NLGN4Y: variants seen among roughly 807,000 people sequenced by gnomAD.
The protein encoded by NLGN4Y is neuroligin-4, Y-linked.
A neutral mutation model predicts 8.4 loss-of-function variants in NLGN4Y; 4 were observed. The observed-to-expected ratio is 0.48, with a 90% CI of 0.23 to 1.09. NLGN4Y has a LOEUF of 1.09. Among genes scored for constraint, NLGN4Y ranks in the 50% least tolerant of loss-of-function variants. The probability of loss-of-function intolerance (pLI) is 0.19; values close to 1 mark genes in which losing one functional copy is unlikely to be tolerated. For synonymous variants in NLGN4Y, 35 were observed against 75.6 expected (o/e 0.46, Z 2.78); for missense variants, 90 against 192.3 (o/e 0.47, Z 3.15).
chrY:14,769,503 G>A, intron 4 of NLGN4Y, among the ~76,000 whole-genome samples: 1 of 32,281 alleles, frequency 3.1e-5, no homozygotes, highest in Admixed American at 2.8e-4. Flanking sequence ...GTGCTGTGAG[G>A]AACACTGCAC....
chrY:14,821,343 C>T (rs2043121600), intron 4 of NLGN4Y, among the ~76,000 whole-genome samples: 2 of 33,663 alleles, frequency 5.9e-5, no homozygotes, highest in Admixed American at 5.3e-4. Flanking sequence ...TGGAAGAGGA[C>T]CCTAGTGGGT....
chrY:14,723,387 T>G, intron 4 of NLGN4Y, 118 bp downstream of exon 4: 3 of 211,403 alleles, frequency 1.4e-5, no homozygotes, highest in Non-Finnish European at 2.4e-5. Context: ...TAATTCCACT[T>G]TACGGTATTT....
At chrY:14,663,088 A>C (rs2080680490) in intron 2 of NLGN4Y, among the ~76,000 whole-genome samples, 1 of 33,416 alleles carries the variant, frequency 3.0e-5, no homozygotes, top group Non-Finnish European at 7.4e-5. Context: ...CAATTGTTTC[A>C]ATTTTTAGCT....
At position 14,790,783 on chromosome Y, in the gene NLGN4Y, C is replaced by T. The variant is rs201701557; in HGVS notation, c.686-33405C>T. Among the ~76,000 whole-genome samples the T allele has an allele frequency of 1.7e-3, 57 of 33,198 alleles. No individual in the cohort carries two copies. In the East Asian group the frequency reaches 0.044, roughly 26 times the overall value. 89.1% of individuals were successfully genotyped at this position (33,198 alleles called of 37,273 possible). A position where few individuals can be genotyped will look rare whatever the true frequency, so the allele number is the denominator to read the frequency against. On this transcript the variant is annotated intron_variant, in intron 4 of 6. Transcript: ENST00000684976. ...CATGGGTGGGTTGGATAATGCAAAA[C>T]CAAGCTTCAACGTCAATGGTGTGAG...
At chrY:14,813,806 G>A (rs552669051) in intron 4 of NLGN4Y, among the ~76,000 whole-genome samples, 10 of 33,555 alleles carry the variant, frequency 3.0e-4, no homozygotes, top group African/African-American at 1.2e-3. Flanking sequence ...CCATTAACAT[G>A]CATTAATTCT....
At chrY:14,557,522 G>A in intron 1 of NLGN4Y, among the ~76,000 whole-genome samples, 12 of 33,187 alleles carry the variant, frequency 3.6e-4, no homozygotes, top group Admixed American at 3.3e-3. Flanking sequence ...AGATTAACTT[G>A]TAAATAACTC....
At chrY:14,571,894 G>T (rs13133082) in intron 1 of NLGN4Y, among the ~76,000 whole-genome samples, 1 of 32,754 alleles carries the variant, frequency 3.1e-5, no homozygotes, top group Admixed American at 2.8e-4. Flanking sequence ...GTTTGTCAAA[G>T]ATCAGATAGT....
chrY:14,534,068 G>A lies in NLGN4Y; in HGVS notation c.-112+9360G>A, dbSNP rs894716433. On this transcript the variant is annotated intron_variant, in intron 1 of 6. Transcript: ENST00000684976. ...CTGCAGTAACCATACATGTGTATGCGTCTTTATAGTAGAATGATTTATAAT... is the reference window on the plus strand; with the variant it reads ...CTGCAGTAACCATACATGTGTATGCATCTTTATAGTAGAATGATTTATAAT... Among the ~76,000 whole-genome samples the A allele has an allele frequency of 2.1e-4, 7 of 33,129 alleles. No homozygotes were observed. In the East Asian group the frequency reaches 3.1e-3, roughly 15 times the overall value. 88.9% of individuals were successfully genotyped at this position (33,129 alleles called of 37,273 possible).
At chrY:14,783,896 T>TC (rs2042951312) in intron 4 of NLGN4Y, among the ~76,000 whole-genome samples, 2 of 34,277 alleles carry the variant, frequency 5.8e-5, no homozygotes, top group Non-Finnish European at 1.5e-4. Context: ...TATCAATTCA[T>TC]CCCCAGGGTC....
chrY:14,812,944 CTCCT>C (rs770512097), intron 4 of NLGN4Y, among the ~76,000 whole-genome samples: 6 of 28,270 alleles, frequency 2.1e-4, no homozygotes, highest in Non-Finnish European at 4.2e-4. Flanking sequence ...CCTTCCTTCC[CTCCT>C]TCCTTCCTTC....
chrY:14,779,801 C>T (rs755904230), intron 4 of NLGN4Y, among the ~76,000 whole-genome samples: 68 of 33,059 alleles, frequency 2.1e-3, no homozygotes, highest in South Asian at 7.5e-3. Flanking sequence ...TCACAGAGAC[C>T]TATTCATGGC....
intron 2 of NLGN4Y, chrY:14,640,180 C>A: frequency 8.2e-6 from 1 of 121,349 alleles, no homozygotes; most frequent in East Asian, 2.5e-4. Context: ...ACATCGAAGG[C>A]ACAGTGTCTC....
At chrY:14,823,265 A>G (rs2043129807) in intron 4 of NLGN4Y, among the ~76,000 whole-genome samples, 1 of 33,391 alleles carries the variant, frequency 3.0e-5, no homozygotes, top group African/African-American at 1.2e-4. Context: ...ATGTTATTTT[A>G]GGGCTTAAAG....
chrY:14,819,570 G>T, intron 4 of NLGN4Y, among the ~76,000 whole-genome samples: 1 of 32,615 alleles, frequency 3.1e-5, no homozygotes. Flanking sequence ...GGGGGTGTTT[G>T]TGGTCCCTTG....
At chrY:14,570,997 T>C in intron 1 of NLGN4Y, among the ~76,000 whole-genome samples, 1 of 33,088 alleles carries the variant, frequency 3.0e-5, no homozygotes, top group Non-Finnish European at 7.4e-5. Context: ...CAGTCTATCA[T>C]TGTTGGACAT....
intron 1 of NLGN4Y, among the ~76,000 whole-genome samples, chrY:14,602,583 G>A: frequency 3.0e-5 from 1 of 33,398 alleles, no homozygotes; most frequent in Non-Finnish European, 7.4e-5. Flanking sequence ...AGTGTTTTAT[G>A]GCTTGGCTTT....
intron 2 of NLGN4Y, among the ~76,000 whole-genome samples, chrY:14,701,353 T>A: frequency 3.0e-5 from 1 of 33,181 alleles, no homozygotes; most frequent in East Asian, 8.1e-4. Context: ...AAGTGTAGAA[T>A]ACATATCCAC....
chrY:14,741,755 T>A (rs749067636), intron 4 of NLGN4Y, among the ~76,000 whole-genome samples: 6 of 34,266 alleles, frequency 1.8e-4, no homozygotes, highest in African/African-American at 6.8e-4. Context: ...CCTCCTTTTT[T>A]TTCCCCCGAT....
chrY:14,627,220 C>T (rs1603501635), intron 2 of NLGN4Y, among the ~76,000 whole-genome samples: 2 of 32,697 alleles, frequency 6.1e-5, no homozygotes, highest in East Asian at 1.7e-3. Flanking sequence ...CTGCAATTCC[C>T]CAGCCGACTC....
Sources: gnomAD v4.1 joint callset for allele counts (sites outside exome capture counted in the v4.1 genomes callset) on GRCh38, gnomAD v4.1.1 for gene constraint, MANE v1.5 for transcripts, NCBI Gene and HGNC (gene_info 2026-07-23, HGNC 2026-07-21) for gene names.